SCARB1: variants seen among roughly 807,000 people sequenced by gnomAD.
SCARB1 encodes the protein scavenger receptor class B member 1.
In SCARB1, 30 loss-of-function variants were observed where a neutral mutation model predicts 57.2. The observed-to-expected ratio is 0.52, with a 90% confidence interval of 0.39 to 0.71. The LOEUF (loss-of-function observed/expected upper bound fraction) is 0.71. Ranked by LOEUF, SCARB1 falls within the 30% of genes least tolerant of loss-of-function variation. The pLI, the probability that SCARB1 is intolerant of heterozygous loss-of-function variation, is 0.00. For missense variants in SCARB1, 543 were observed against 671.2 expected, an observed-to-expected ratio of 0.81 and a Z score of 2.11; for synonymous variants, 249 against 268.3, an observed-to-expected ratio of 0.93 and a Z score of 0.70.
Position 124,814,070 on chromosome 12 carries a change from C to T in SCARB1, c.630+132G>A. On this transcript the variant is annotated intron_variant, in intron 4 of 12. Transcript: ENST00000261693. The surrounding 1 kb of genome is among the most constrained non-coding windows in gnomAD (Gnocchi z 4.7). ...CTCAAGCCGGTTTGAGTCAGGTTCTCAGTCACTTACAACCCACAGCCACTA... is the reference window on the plus strand; with the variant it reads ...CTCAAGCCGGTTTGAGTCAGGTTCTTAGTCACTTACAACCCACAGCCACTA... 1 of 849,450 alleles carries T rather than the reference C, an allele frequency of 1.2e-6. No individual in the cohort carries two copies. Among genetic ancestry groups the T allele is most frequent in the South Asian group, 1.3e-5 (1 of 74,188 alleles). The allele number at this position is 849,450 out of a possible 1,614,324, so 52.6% of individuals were successfully genotyped here.
intron 7 of SCARB1, among the ~76,000 whole-genome samples, chr12:124,801,407 T>C (rs838913): frequency 0.62 from 94,964 of 152,016 alleles, 31,120 homozygotes; most frequent in African/African-American, 0.82. Context: ...TAAATGCCAC[T>C]GAATCATTCA....
chr12:124,843,685 T>C (rs780172309), intron 1 of SCARB1, among the ~76,000 whole-genome samples: 21 of 151,954 alleles, frequency 1.4e-4, no homozygotes, highest in African/African-American at 4.8e-4. Context: ...CAAGATGAGA[T>C]CATCCTGGAT....
chr12:124,838,704 C>T (rs1271851848), intron 1 of SCARB1, among the ~76,000 whole-genome samples: 1 of 151,898 alleles, frequency 6.6e-6, no homozygotes, highest in Non-Finnish European at 1.5e-5. Context: ...GGTACCATTT[C>T]TCCCTTCAGG....
chr12:124,814,074 CA>C lies in SCARB1; in HGVS notation c.630+127del. The C allele has an allele frequency of 1.1e-6, 1 of 874,012 alleles. No individual in the cohort carries two copies. The highest frequency in any genetic ancestry group is 1.3e-5 in the South Asian group (1 of 74,918). 54.1% of individuals were successfully genotyped at this position (874,012 alleles called of 1,614,324 possible). A position where few individuals can be genotyped will look rare whatever the true frequency, so the allele number is the denominator to read the frequency against. ...AGCCGGTTTGAGTCAGGTTCTCAGT[CA>C]CTTACAACCCACAGCCACTAGATCC... On this transcript the variant is annotated intron_variant, in intron 4 of 12. Coordinates refer to ENST00000261693, the MANE Select transcript of SCARB1 (RefSeq NM_005505.5). This position sits in a 1 kb window ranked among gnomAD's most constrained non-coding sequence, Gnocchi z 4.7.
intron 9 of SCARB1, among the ~76,000 whole-genome samples, chr12:124,791,986 C>T (rs1949750143): frequency 6.6e-6 from 1 of 151,544 alleles, no homozygotes; most frequent in Admixed American, 6.6e-5. Flanking sequence ...CCCCCAATCA[C>T]AATTATTGGA....
intron 1 of SCARB1, among the ~76,000 whole-genome samples, chr12:124,818,008 G>A (rs1047022767): frequency 7.2e-5 from 11 of 152,218 alleles, no homozygotes; most frequent in Admixed American, 1.3e-4. Flanking sequence ...TAAAGGGAGC[G>A]CCGGAGCTCA....
In SCARB1 at chr12:124,817,561, G is replaced by T. The variant is rs1379084217; in HGVS notation, c.273C>A (p.Pro91=). The change falls in exon 2 of 13, where the codon CCC becomes CCA. Residue 91 remains proline (P), a synonymous_variant. Transcript: ENST00000261693. The surrounding 1 kb of genome is among the most constrained non-coding windows in gnomAD (Gnocchi z 4.8). The part of the protein sequence containing the change: ...GEKPQVRERG[P]YVYREFRHKS... ...GGACACAGCCTCACCTGTACACGTAGGGCCCGCGCTCCCGCACCTGCGGCT... is the reference window on the plus strand; with the variant it reads ...GGACACAGCCTCACCTGTACACGTATGGCCCGCGCTCCCGCACCTGCGGCT... The T allele has an allele frequency of 3.1e-6, 5 of 1,613,866 alleles. No homozygotes were observed. The highest frequency in any genetic ancestry group is 3.4e-6 in the Non-Finnish European group (4 of 1,180,028).
intron 1 of SCARB1, among the ~76,000 whole-genome samples, chr12:124,829,810 G>A (rs1185694785): frequency 6.6e-6 from 1 of 152,196 alleles, no homozygotes; most frequent in Non-Finnish European, 1.5e-5. Context: ...CACTTCAATA[G>A]TGAACAAAAT....
Position 124,815,064 on chromosome 12 carries a change from G to A in SCARB1, c.335C>T (p.Ser112Phe), listed in dbSNP as rs397514572. 1.2e-6 allele frequency: 2 copies of A among 1,614,182 alleles called. No homozygotes were observed. The highest frequency in any genetic ancestry group is 1.1e-5 in the South Asian group (1 of 91,082). ...CTGGAAGGTGCGGTACTCGAGGAAG[G>A]ACACGGTGTCGTTGTTGTTGAAGGT... ...NITFNNNDTV[S>F]FLEYRTFQFQ... The change falls in exon 3 of 13, where the codon TCC becomes TTC. Residue 112 changes from serine to phenylalanine, a missense_variant. By Grantham distance (155) the Ser-to-Phe change is radical. Coordinates refer to ENST00000261693, the MANE Select transcript of SCARB1 (RefSeq NM_005505.5).
At chr12:124,803,553 G>A (rs1950209575) in intron 7 of SCARB1, among the ~76,000 whole-genome samples, 1 of 152,078 alleles carries the variant, frequency 6.6e-6, no homozygotes, top group Admixed American at 6.6e-5. Flanking sequence ...CTGGGCGACA[G>A]TGATACCCTG....
rs1402377185 is a variant in SCARB1, at chr12:124,803,950, G to A, written c.1010-3708C>T. 2.6e-5 allele frequency among the ~76,000 whole-genome samples: 4 copies of A among 152,140 alleles called. No individual in the cohort carries two copies. In the East Asian group the frequency reaches 7.7e-4, roughly 29 times the overall value. ...GATTTTAAAATTCCTTTGCGCTTTT[G>A]AAATTCTTTTGGCAGATGTGCTAAG... On this transcript the variant is annotated intron_variant, in intron 7 of 12. Transcript: ENST00000261693.
At chr12:124,791,729 G>A (rs1949735483) in intron 9 of SCARB1, among the ~76,000 whole-genome samples, 2 of 152,160 alleles carry the variant, frequency 1.3e-5, no homozygotes, top group Admixed American at 6.5e-5. Context: ...GGCTGAGGCA[G>A]GTGATCACCT....
At chr12:124,834,954 C>T (rs1951573500) in intron 1 of SCARB1, among the ~76,000 whole-genome samples, 1 of 152,156 alleles carries the variant, frequency 6.6e-6, no homozygotes, top group Non-Finnish European at 1.5e-5. Flanking sequence ...ATCAGCATCA[C>T]TTGGGAACTC....
chr12:124,857,718 G>C (rs981575142), intron 1 of SCARB1, among the ~76,000 whole-genome samples: 6 of 152,202 alleles, frequency 3.9e-5, no homozygotes, highest in African/African-American at 1.4e-4. Flanking sequence ...CTCTACCCCA[G>C]GGGAAACAAA....
chr12:124,853,381 C>A (rs1199491385), intron 1 of SCARB1, among the ~76,000 whole-genome samples: 1 of 144,712 alleles, frequency 6.9e-6, no homozygotes, highest in Non-Finnish European at 1.5e-5. Flanking sequence ...ATCCAGTTTG[C>A]ATAGTTTTGT....
intron 1 of SCARB1, among the ~76,000 whole-genome samples, chr12:124,837,455 G>GA (rs1399141417): frequency 3.3e-4 from 25 of 76,878 alleles, no homozygotes; most frequent in African/African-American, 9.6e-4. Context: ...AAGAAAGAAA[G>GA]AAGGAAAGAA....
Position 124,837,508 on chromosome 12 carries a change from A to G in SCARB1, c.127-19801T>C, listed in dbSNP as rs1382529323. Reference sequence around the variant, plus strand: ...GGAAGGAAGGAAGGAAGGAAGGGAGAAAAAAGAAAAGAAAGGAAAGAAAAA... The same window carrying G: ...GGAAGGAAGGAAGGAAGGAAGGGAGGAAAAAGAAAAGAAAGGAAAGAAAAA... On this transcript the variant is annotated intron_variant, in intron 1 of 12. Transcript: ENST00000261693. Among the ~76,000 whole-genome samples, 738 of 93,828 alleles carry G rather than the reference A, an allele frequency of 7.9e-3. 45 individuals are homozygous for G. The East Asian group carries it at 0.16, about 20-fold the overall frequency. 61.6% of individuals were successfully genotyped at this position (93,828 alleles called of 152,430 possible).
At chr12:124,850,273 T>C (rs1029627307) in intron 1 of SCARB1, among the ~76,000 whole-genome samples, 1 of 151,568 alleles carries the variant, frequency 6.6e-6, no homozygotes, top group Non-Finnish European at 1.5e-5. Flanking sequence ...CTCAGGAGGC[T>C]GAGGCAGGAG....
chr12:124,794,219 T>C (rs564143059), intron 9 of SCARB1, among the ~76,000 whole-genome samples: 1 of 152,266 alleles, frequency 6.6e-6, no homozygotes, highest in Non-Finnish European at 1.5e-5. Context: ...ATTGTGGTGA[T>C]AGATACACAA....
Sources: gnomAD v4.1 joint callset for allele counts (sites outside exome capture counted in the v4.1 genomes callset) on GRCh38, gnomAD v4.1.1 for gene constraint, Gnocchi (gnomAD v3.1) non-coding constraint, MANE v1.5 for transcripts, NCBI Gene and HGNC (gene_info 2026-07-23, HGNC 2026-07-21) for gene names.